Variants in ICA1 observed in about 807,000 individuals in gnomAD.
The protein encoded by ICA1 is 69 kDa islet cell autoantigen.
In ICA1, 40 loss-of-function variants were observed where a neutral mutation model predicts 71.0. The ratio of observed to expected loss-of-function variants is 0.56; its 90% CI spans 0.44 to 0.73. ICA1 has a LOEUF of 0.73. ICA1 is among the 30% of genes least tolerant of loss of function. The pLI is 0.00. For missense variants in ICA1, 578 were observed against 576.5 expected (o/e 1.00, Z -0.03); for synonymous variants, 207 against 209.5 (o/e 0.99, Z 0.10).
intron 1 of ICA1, among the ~76,000 whole-genome samples, chr7:8,256,479 T>G (rs1810238427): frequency 1.3e-5 from 2 of 152,194 alleles, no homozygotes. Flanking sequence ...GATGATTCTT[T>G]CCACTTGGAA....
At chr7:8,178,481 C>A (rs534064127) in intron 6 of ICA1, among the ~76,000 whole-genome samples, 2 of 152,012 alleles carry the variant, frequency 1.3e-5, no homozygotes, top group East Asian at 3.9e-4. Flanking sequence ...TAATTTTTAA[C>A]CTGCTGCACA....
intron 1 of ICA1, among the ~76,000 whole-genome samples, chr7:8,254,661 C>T (rs931498716): frequency 6.6e-6 from 1 of 151,364 alleles, no homozygotes; most frequent in Admixed American, 6.6e-5. Flanking sequence ...GGGCATGTAC[C>T]CTCTAGGGCA....
intron 6 of ICA1, among the ~76,000 whole-genome samples, chr7:8,208,641 G>C (rs1420821780): frequency 6.6e-6 from 1 of 152,150 alleles, no homozygotes; most frequent in Admixed American, 6.5e-5. Context: ...TGCTATGACA[G>C]ACTTAGGGAT....
chr7:8,243,234 C>A (rs1804654866), intron 1 of ICA1, among the ~76,000 whole-genome samples: 1 of 152,198 alleles, frequency 6.6e-6, no homozygotes, highest in Non-Finnish European at 1.5e-5. Flanking sequence ...AAGTCGGCTT[C>A]ATCCCTGGAA....
At chr7:8,170,729 C>T (rs1419203746) in intron 6 of ICA1, among the ~76,000 whole-genome samples, 1 of 151,918 alleles carries the variant, frequency 6.6e-6, no homozygotes, top group Non-Finnish European at 1.5e-5. Flanking sequence ...TTAGAATTTT[C>T]CATAAAAATT....
intron 1 of ICA1, among the ~76,000 whole-genome samples, chr7:8,259,234 G>A (rs941969627): frequency 9.2e-5 from 14 of 152,178 alleles, no homozygotes; most frequent in African/African-American, 3.1e-4. Flanking sequence ...ACTGGGTCTG[G>A]AAGAGAGTAG....
intron 6 of ICA1, among the ~76,000 whole-genome samples, chr7:8,204,133 G>C (rs892199747): frequency 1.3e-5 from 2 of 152,080 alleles, no homozygotes; most frequent in African/African-American, 4.8e-5. Flanking sequence ...TCAGAAAAAC[G>C]AGTTCAGAGG....
intron 6 of ICA1, among the ~76,000 whole-genome samples, chr7:8,182,357 C>T (rs1782465480): frequency 6.6e-6 from 1 of 152,178 alleles, no homozygotes; most frequent in African/African-American, 2.4e-5. Flanking sequence ...AAGGCAGAAG[C>T]AGTGAGTGCC....
chr7:8,148,711 C>A (rs1797848039), intron 8 of ICA1, among the ~76,000 whole-genome samples: 1 of 151,970 alleles, frequency 6.6e-6, no homozygotes, highest in Non-Finnish European at 1.5e-5. Context: ...ATCACCAAGA[C>A]AGAATTTGTA....
At chr7:8,135,398 G>C (rs1793064546) in intron 12 of ICA1, among the ~76,000 whole-genome samples, 2 of 151,866 alleles carry the variant, frequency 1.3e-5, no homozygotes, top group South Asian at 2.1e-4. Context: ...GATCAGCTAA[G>C]AACAGTATTT....
chr7:8,221,225 C>G (rs373495769), intron 5 of ICA1, 50 bp downstream of exon 5: 1 of 1,609,414 alleles, frequency 6.2e-7, no homozygotes, highest in East Asian at 2.2e-5. Context: ...AGGTGGGTCC[C>G]GGAGTCTCCT....
intron 8 of ICA1, 22 bp downstream of exon 8, chr7:8,157,094 G>A (rs1196853710): frequency 6.2e-7 from 1 of 1,614,156 alleles, no homozygotes; most frequent in South Asian, 1.1e-5. Context: ...AGATTTTCTA[G>A]TGGCCCCTCT....
chr7:8,227,144 G>A (rs1340716373), intron 4 of ICA1, among the ~76,000 whole-genome samples: 1 of 152,144 alleles, frequency 6.6e-6, no homozygotes, highest in Non-Finnish European at 1.5e-5. Context: ...GGGGGATGGT[G>A]GGTATAGTAA....
rs1378196727 is a variant in ICA1 at position 8,129,593 on chromosome 7, G to T, written c.1061-1451C>A. 3.3e-5 allele frequency among the ~76,000 whole-genome samples: 5 copies of T among 152,150 alleles called. No individual in the cohort carries two copies. The South Asian group carries it at 6.2e-4, about 19-fold the overall frequency. On this transcript the variant is annotated intron_variant, in intron 12 of 13. Coordinates refer to ENST00000402384, the MANE Select transcript of ICA1 (RefSeq NM_001136020.3). Reference sequence around the variant, plus strand: ...ACTGTCTAATGTAAGCATTCTTATTGTTTGTGTTATCACAGAAATTCTCAC... The same window carrying T: ...ACTGTCTAATGTAAGCATTCTTATTTTTTGTGTTATCACAGAAATTCTCAC...
intron 1 of ICA1, among the ~76,000 whole-genome samples, chr7:8,240,600 A>G (rs1025191493): frequency 2.0e-5 from 3 of 152,200 alleles, no homozygotes; most frequent in Non-Finnish European, 4.4e-5. Flanking sequence ...AAGGTTGGTA[A>G]TAACAAACTT....
chr7:8,257,040 C>T (rs1169642765), intron 1 of ICA1, among the ~76,000 whole-genome samples: 1 of 152,208 alleles, frequency 6.6e-6, no homozygotes, highest in East Asian at 1.9e-4. Context: ...TTTTTAACTA[C>T]TCTGCTCTAC....
At chr7:8,211,330 C>G (rs1793721188) in intron 6 of ICA1, among the ~76,000 whole-genome samples, 1 of 152,178 alleles carries the variant, frequency 6.6e-6, no homozygotes, top group Non-Finnish European at 1.5e-5. Context: ...GACTCATGCC[C>G]TCTAAAACTC....
At chr7:8,240,020 T>C (rs966093888) in intron 1 of ICA1, among the ~76,000 whole-genome samples, 2 of 152,336 alleles carry the variant, frequency 1.3e-5, no homozygotes, top group East Asian at 3.9e-4. Context: ...TAAACGTCCC[T>C]GTCTGACAGC....
chr7:8,197,570 G>T (rs1585127919), intron 6 of ICA1, among the ~76,000 whole-genome samples: 1 of 85,922 alleles, frequency 1.2e-5, no homozygotes, highest in African/African-American at 4.1e-5. Flanking sequence ...AAAGAAGAAA[G>T]AAGAAATAAT....
Sources: allele counts gnomAD v4.1 joint callset (sites outside exome capture counted in the v4.1 genomes callset), GRCh38; gene constraint gnomAD v4.1.1; transcripts MANE v1.5; gene names NCBI Gene and HGNC (gene_info 2026-07-23, HGNC 2026-07-21).